Variants in DLG5 observed in about 807,000 individuals in gnomAD.
The protein encoded by DLG5 is disks large homolog 5.
DLG5 carries 48 observed loss-of-function variants against 189.8 expected under a neutral mutation model. That is an observed-to-expected ratio of 0.25 (90% CI 0.20 to 0.32). The LOEUF (loss-of-function observed/expected upper bound fraction) is 0.32. Among genes scored for constraint, DLG5 ranks in the 10% least tolerant of loss-of-function variants. The pLI, the probability that DLG5 is intolerant of heterozygous loss-of-function variation, is 1.00. For missense variants in DLG5, 2,160 were observed against 2,544.7 expected, an observed-to-expected ratio of 0.85 and a Z score of 3.25; for synonymous variants, 1,016 against 1,054.1, an observed-to-expected ratio of 0.96 and a Z score of 0.70.
chr10:77,912,224 A>G (rs1396410490), intron 1 of DLG5: 3 of 129,298 alleles, frequency 2.3e-5, no homozygotes, highest in African/African-American at 5.6e-5. Context: ...AAAAAAAAAA[A>G]AGGTTAATTT....
At chr10:77,880,871 C>T (rs935369511) in intron 1 of DLG5, among the ~76,000 whole-genome samples, 1 of 151,282 alleles carries the variant, frequency 6.6e-6, no homozygotes, top group African/African-American at 2.4e-5. Flanking sequence ...GAAATGTAGG[C>T]TCAGAGAAGC....
the DLG5 span, among the ~76,000 whole-genome samples, chr10:77,936,595 T>C: frequency 6.6e-6 from 1 of 152,140 alleles, no homozygotes; most frequent in Non-Finnish European, 1.5e-5. Context: ...GACTAATGAA[T>C]TATTAACGAT....
Position 77,853,477 on chromosome 10 carries a change from C to A in DLG5, c.741G>T (p.Leu247=). The A allele has an allele frequency of 6.2e-7, 1 of 1,612,070 alleles. No homozygotes were observed. The change falls in exon 5 of 32, where the codon CTG becomes CTT. Residue 247 remains leucine (L), a synonymous_variant. Coordinates refer to ENST00000372391, the MANE Select transcript of DLG5 (RefSeq NM_004747.4). ...GCAGCAGCTGCCCATTCTCCCGCCT[C>A]AGCATGTCCACGTCATCCTTCAGCC... ...QTRLKDDVDM[L]RRENGQLLRE...
rs763782291 is a variant in DLG5, at chr10:77,809,646, C to T, written c.4548G>A (p.Leu1516=). The T allele has an allele frequency of 3.2e-5, 52 of 1,614,126 alleles. No homozygotes were observed. The highest frequency in any genetic ancestry group is 1.6e-4 in the Middle Eastern group (1 of 6,084). ...ACACCCCATGCAGGTTCCCACCACA[C>T]AAGTGCACCCCAAGCTCCAGCTGGG... is the stretch of plus-strand genomic sequence containing the variant. ...KKSQLELGVH[L]CGGNLHGVFV... is the part of the protein sequence containing the mutation. The change falls in exon 24 of 32, where the codon TTG becomes TTA. Residue 1516 remains leucine (L), a synonymous_variant. Coordinates refer to ENST00000372391, the MANE Select transcript of DLG5 (RefSeq NM_004747.4).
chr10:77,803,130 G>A (rs1277049505), intron 27 of DLG5, among the ~76,000 whole-genome samples: 2 of 152,122 alleles, frequency 1.3e-5, no homozygotes, highest in African/African-American at 2.4e-5. Context: ...AGATGATATA[G>A]GGGCAGAATA....
At chr10:77,854,433 C>T (rs868536753) in intron 3 of DLG5, 63 bp from the exon 4 acceptor site, 3 of 1,592,698 alleles carry the variant, frequency 1.9e-6, no homozygotes, top group African/African-American at 2.7e-5. Flanking sequence ...ATAGAGGAAC[C>T]AGGTCCTGGA....
intron 1 of DLG5, among the ~76,000 whole-genome samples, chr10:77,905,559 T>A (rs1846049795): frequency 6.6e-6 from 1 of 152,194 alleles, no homozygotes; most frequent in African/African-American, 2.4e-5. Flanking sequence ...TCACATGACC[T>A]GAAGTTGTCC....
chr10:77,917,824 C>T (rs183686417), intron 1 of DLG5, among the ~76,000 whole-genome samples: 1,740 of 151,484 alleles, frequency 0.011, 27 homozygotes, highest in African/African-American at 0.039. Flanking sequence ...GTACGGAGTT[C>T]GAGACCAGCC....
At chr10:77,829,865 A>G (rs148212247) in intron 11 of DLG5, among the ~76,000 whole-genome samples, 29 of 152,326 alleles carry the variant, frequency 1.9e-4, no homozygotes, top group Middle Eastern at 6.8e-3. Context: ...TTAAACCAGT[A>G]CTCAGCAAAT....
At chr10:77,806,727 C>T in intron 26 of DLG5, 31 bp downstream of exon 26, 5 of 1,520,452 alleles carry the variant, frequency 3.3e-6, no homozygotes, top group Non-Finnish European at 4.6e-6. Context: ...GACCCCTGCC[C>T]CACCCCACCC....
intron 1 of DLG5, among the ~76,000 whole-genome samples, chr10:77,919,425 G>A (rs933316869): frequency 6.6e-6 from 1 of 151,336 alleles, no homozygotes; most frequent in African/African-American, 2.4e-5. Context: ...CCTGGGAAGT[G>A]CTCAAAACCC....
At chr10:77,900,718 C>T (rs1392841993) in intron 1 of DLG5, among the ~76,000 whole-genome samples, 2 of 152,024 alleles carry the variant, frequency 1.3e-5, no homozygotes, top group East Asian at 1.9e-4. Context: ...AGGCATATCA[C>T]GAGGTCAGGA....
chr10:77,833,141 C>T (rs192530392), intron 9 of DLG5, among the ~76,000 whole-genome samples: 171 of 152,236 alleles, frequency 1.1e-3, no homozygotes, highest in African/African-American at 3.2e-3. Flanking sequence ...TTTTAGACCA[C>T]GGCCTATTGG....
At chr10:77,870,486 C>G (rs1308876707) in intron 1 of DLG5, among the ~76,000 whole-genome samples, 1 of 152,088 alleles carries the variant, frequency 6.6e-6, no homozygotes, top group Admixed American at 6.6e-5. Context: ...AGTTTGAGAC[C>G]AGCCTGGGCA....
chr10:77,870,038 C>T (rs1271193264), intron 1 of DLG5, among the ~76,000 whole-genome samples: 1 of 143,138 alleles, frequency 7.0e-6, no homozygotes, highest in Non-Finnish European at 1.5e-5. Context: ...CATCCCATTT[C>T]AGCAATTTCC....
intron 1 of DLG5, among the ~76,000 whole-genome samples, chr10:77,881,392 C>G (rs1845277933): frequency 6.6e-6 from 1 of 152,150 alleles, no homozygotes; most frequent in African/African-American, 2.4e-5. Context: ...TCGTGGCCAG[C>G]ATGCAGCACT....
chr10:77,893,804 TG>T (rs1329084735), intron 1 of DLG5, among the ~76,000 whole-genome samples: 8 of 152,224 alleles, frequency 5.3e-5, no homozygotes, highest in African/African-American at 1.7e-4. Context: ...TGGAGGAAAC[TG>T]GATCAATGGG....
chr10:77,883,107 C>T (rs1271970152), intron 1 of DLG5, among the ~76,000 whole-genome samples: 3 of 152,000 alleles, frequency 2.0e-5, no homozygotes, highest in East Asian at 1.9e-4. Flanking sequence ...GGTTTTTGAA[C>T]ACAGGAATAA....
intron 16 of DLG5, 110 bp downstream of exon 16, chr10:77,819,785 G>T: frequency 6.8e-7 from 1 of 1,471,080 alleles, no homozygotes; most frequent in Non-Finnish European, 9.0e-7. Context: ...TGGACCTCAG[G>T]GCTGAAAACA....
Sources: gnomAD v4.1 joint callset for allele counts (sites outside exome capture counted in the v4.1 genomes callset) on GRCh38, gnomAD v4.1.1 for gene constraint, MANE v1.5 for transcripts, NCBI Gene and HGNC (gene_info 2026-07-23, HGNC 2026-07-21) for gene names.